The following CHLSN variants were observed in gnomAD, a reference collection of about 807,000 sequenced individuals.
CHLSN encodes cholesin, also known as protein cholesin.
chr7:1,021,158 T>C, the CHLSN span, among the ~76,000 whole-genome samples: 1 of 151,282 alleles, frequency 6.6e-6, no homozygotes, highest in Non-Finnish European at 1.5e-5. Context: ...AGGGACCTTC[T>C]GGTTGGGGAT....
chr7:1,069,601 T>G, the CHLSN span, among the ~76,000 whole-genome samples: 4 of 128,138 alleles, frequency 3.1e-5, no homozygotes, highest in East Asian at 8.4e-4. Flanking sequence ...TCCGCCAACC[T>G]TGGCCTCCCG....
chr7:986,805 G>A, the CHLSN span: 27 of 1,538,948 alleles, frequency 1.8e-5, no homozygotes, highest in Admixed American at 1.6e-4. Flanking sequence ...CAGGTGTGTC[G>A]GGACCCAAGA....
the CHLSN span, among the ~76,000 whole-genome samples, chr7:978,980 C>T: frequency 6.6e-6 from 1 of 152,098 alleles, no homozygotes; most frequent in Non-Finnish European, 1.5e-5. Flanking sequence ...TTCCGTGGGC[C>T]TGGGTTCCCC....
the CHLSN span, among the ~76,000 whole-genome samples, chr7:1,133,036 C>G: frequency 6.6e-6 from 1 of 152,182 alleles, no homozygotes; most frequent in Non-Finnish European, 1.5e-5. Context: ...ACCTCCGTGT[C>G]TGTGCATCCA....
the CHLSN span, among the ~76,000 whole-genome samples, chr7:1,005,240 G>A: frequency 1.4e-4 from 21 of 152,190 alleles, no homozygotes; most frequent in African/African-American, 3.4e-4. Flanking sequence ...GCAGTGAGCC[G>A]AGATTGCACC....
At chr7:1,014,642 G>A in the CHLSN span, among the ~76,000 whole-genome samples, 1 of 152,268 alleles carries the variant, frequency 6.6e-6, no homozygotes, top group African/African-American at 2.4e-5. Flanking sequence ...ACAAACACGC[G>A]GGGCTCCATA....
At chr7:1,028,500 C>G in the CHLSN span, 4 of 985,428 alleles carry the variant, frequency 4.1e-6, no homozygotes, top group Admixed American at 6.1e-5. Flanking sequence ...GCTGAGAAGG[C>G]GGGGGTGGAC....
the CHLSN span, chr7:988,598 T>C: frequency 8.7e-6 from 14 of 1,601,126 alleles, no homozygotes; most frequent in East Asian, 2.7e-4. Context: ...GGAGCAGGCC[T>C]GGTGCAGCCC....
the CHLSN span, among the ~76,000 whole-genome samples, chr7:1,020,478 C>T: frequency 6.6e-6 from 1 of 152,196 alleles, no homozygotes; most frequent in African/African-American, 2.4e-5. Flanking sequence ...GGCCCCTCGG[C>T]GCCCCCACCT....
At chr7:1,098,395 C>T in the CHLSN span, among the ~76,000 whole-genome samples, 8 of 152,170 alleles carry the variant, frequency 5.3e-5, no homozygotes, top group African/African-American at 1.7e-4. Flanking sequence ...AGCCAATAGA[C>T]GGAGAAACGA....
chr7:1,072,978 C>A, the CHLSN span, among the ~76,000 whole-genome samples: 3 of 152,180 alleles, frequency 2.0e-5, no homozygotes, highest in Admixed American at 2.0e-4. Context: ...ACTGACAGAG[C>A]CTTCAAAAGT....
chr7:1,122,536 G>T, the CHLSN span, among the ~76,000 whole-genome samples: 8 of 152,314 alleles, frequency 5.3e-5, no homozygotes, highest in African/African-American at 1.9e-4. Flanking sequence ...GGAGAGGCAG[G>T]GGGAGGGTGA....
At chr7:1,060,850 C>A in the CHLSN span, among the ~76,000 whole-genome samples, 3 of 152,212 alleles carry the variant, frequency 2.0e-5, no homozygotes, top group African/African-American at 7.2e-5. Context: ...CATCTCCATG[C>A]CTGCGCGGAA....
the CHLSN span, among the ~76,000 whole-genome samples, chr7:1,066,751 C>A: frequency 2.0e-5 from 3 of 152,230 alleles, no homozygotes; most frequent in Admixed American, 2.0e-4. Flanking sequence ...CAGCCCGGCA[C>A]GAGGGAAGGC....
chr7:993,449 C>A, the CHLSN span, among the ~76,000 whole-genome samples: 2,463 of 152,252 alleles, frequency 0.016, 48 homozygotes, highest in African/African-American at 0.055. Context: ...CGGACAGCGC[C>A]GGCCCGGGCT....
chr7:1,116,488 C>T, the CHLSN span, among the ~76,000 whole-genome samples: 1 of 97,964 alleles, frequency 1.0e-5, no homozygotes, highest in Non-Finnish European at 1.9e-5. Flanking sequence ...GGACCAGCTT[C>T]CATCACCGAC....
the CHLSN span, among the ~76,000 whole-genome samples, chr7:1,013,958 G>A: frequency 4.6e-5 from 7 of 152,292 alleles, no homozygotes; most frequent in East Asian, 5.8e-4. Context: ...AAAGCTTTAC[G>A]CAGGACCTGC....
At chr7:1,123,194 C>G in the CHLSN span, among the ~76,000 whole-genome samples, 1 of 152,198 alleles carries the variant, frequency 6.6e-6, no homozygotes, top group Non-Finnish European at 1.5e-5. This position sits in a 1 kb window ranked among gnomAD's most constrained non-coding sequence, Gnocchi z 4.4. Context: ...GGAGGCTTCC[C>G]GGGCCAAGCC....
At chr7:1,015,641 A>G in the CHLSN span, among the ~76,000 whole-genome samples, 1 of 152,288 alleles carries the variant, frequency 6.6e-6, no homozygotes, top group East Asian at 1.9e-4. Flanking sequence ...CCAGGAGAGC[A>G]GGGAGGACCC....
Sources: gnomAD v4.1 joint callset for allele counts (sites outside exome capture counted in the v4.1 genomes callset) on GRCh38, gnomAD v4.1.1 for gene constraint, Gnocchi (gnomAD v3.1) non-coding constraint, MANE v1.5 for transcripts, NCBI Gene and HGNC (gene_info 2026-07-23, HGNC 2026-07-21) for gene names.